The following DCAF5 variants were observed in gnomAD, a reference collection of about 807,000 sequenced individuals.
DCAF5 encodes DDB1 and CUL4 associated factor 5, also known as DDB1- and CUL4-associated factor 5.
In DCAF5, 9 loss-of-function variants were observed where a neutral mutation model predicts 80.7. That is an observed-to-expected ratio of 0.11 (90% CI 0.07 to 0.19). The LOEUF is 0.19. DCAF5 is among the 10% of genes least tolerant of loss of function. DCAF5 has a pLI of 1.00. For synonymous variants in DCAF5, 433 were observed against 461.9 expected (o/e 0.94, Z 0.80); for missense variants, 842 against 1,205.7 (o/e 0.70, Z 4.47).
At chr14:69,095,634 C>G in intron 5 of DCAF5, among the ~76,000 whole-genome samples, 1 of 152,106 alleles carries the variant, frequency 6.6e-6, no homozygotes, top group Non-Finnish European at 1.5e-5. Context: ...AGTACTTAGC[C>G]AAGGCTAAAG....
At chr14:69,072,635 A>C (rs112275966) in intron 7 of DCAF5, among the ~76,000 whole-genome samples, 9 of 142,842 alleles carry the variant, frequency 6.3e-5, no homozygotes, top group South Asian at 2.3e-4. Flanking sequence ...AAAAAAAAAA[A>C]AAAAAAAAAA....
intron 7 of DCAF5, among the ~76,000 whole-genome samples, chr14:69,063,477 C>A (rs1375763659): frequency 6.6e-6 from 1 of 152,146 alleles, no homozygotes; most frequent in Non-Finnish European, 1.5e-5. Flanking sequence ...GTGTTGCATC[C>A]AGACACAAAC....
intron 7 of DCAF5, among the ~76,000 whole-genome samples, chr14:69,074,607 G>A (rs1391454271): frequency 6.6e-6 from 1 of 152,142 alleles, no homozygotes; most frequent in Admixed American, 6.5e-5. Flanking sequence ...CATCAACAAA[G>A]AAAGCCTCCC....
At chr14:69,086,909 T>C (rs555220746) in intron 6 of DCAF5, among the ~76,000 whole-genome samples, 13 of 152,368 alleles carry the variant, frequency 8.5e-5, no homozygotes, top group African/African-American at 3.1e-4. Flanking sequence ...GAGATCTCAG[T>C]GCTCAGGTAC....
chr14:69,057,040 T>C (rs1194947683), intron 8 of DCAF5, among the ~76,000 whole-genome samples: 2 of 152,226 alleles, frequency 1.3e-5, no homozygotes, highest in Non-Finnish European at 2.9e-5. Context: ...AGAGCAATTA[T>C]AATGTTGATT....
chr14:69,122,413 A>C, intron 1 of DCAF5, 53 bp from the exon 2 acceptor site: 1 of 1,572,484 alleles, frequency 6.4e-7, no homozygotes, highest in Admixed American at 1.7e-5. Flanking sequence ...CGCAAGGCTG[A>C]CAGATGGTTT....
intron 1 of DCAF5, among the ~76,000 whole-genome samples, chr14:69,151,237 A>C (rs911501934): frequency 4.6e-5 from 7 of 152,270 alleles, no homozygotes; most frequent in African/African-American, 1.7e-4. Context: ...TCTAGGGCCA[A>C]AATCTACCTA....
intron 5 of DCAF5, among the ~76,000 whole-genome samples, chr14:69,106,658 C>T (rs1372504399): frequency 6.6e-6 from 1 of 152,178 alleles, no homozygotes; most frequent in Non-Finnish European, 1.5e-5. Flanking sequence ...AGGCGTGAGC[C>T]ACTGCACCCA....
rs1014928820 is a variant in DCAF5, at chr14:69,086,218, C to T, written c.879+5456G>A. Among the ~76,000 whole-genome samples the T allele has an allele frequency of 3.9e-5, 6 of 152,066 alleles. No homozygotes were observed. In the East Asian group the frequency reaches 5.8e-4, roughly 15 times the overall value. On this transcript the variant is annotated intron_variant, in intron 6 of 8. Coordinates refer to ENST00000341516, the MANE Select transcript of DCAF5 (RefSeq NM_003861.3). ...CTAAAAACACAAAAAATTAACCGGG[C>T]GTGGTGGCGCGTGCCTATAATTCCA...
chr14:69,141,359 CTTT>C (rs1435355953), intron 1 of DCAF5, among the ~76,000 whole-genome samples: 6 of 131,076 alleles, frequency 4.6e-5, no homozygotes, highest in Non-Finnish European at 9.1e-5. Context: ...TTTTCTTTTT[CTTT>C]TATTATTATA....
chr14:69,111,913 G>C (rs2040381444), intron 5 of DCAF5, among the ~76,000 whole-genome samples: 1 of 152,166 alleles, frequency 6.6e-6, no homozygotes, highest in Non-Finnish European at 1.5e-5. Context: ...TCCAACTCCA[G>C]TGTCTACAGG....
chr14:69,098,279 G>A (rs1476198848), intron 5 of DCAF5, among the ~76,000 whole-genome samples: 1 of 152,166 alleles, frequency 6.6e-6, no homozygotes, highest in African/African-American at 2.4e-5. Context: ...TCTGAGCATA[G>A]TTCATTCATT....
chr14:69,122,702 T>TTTTG (rs781768320), intron 1 of DCAF5, among the ~76,000 whole-genome samples: 2 of 152,240 alleles, frequency 1.3e-5, no homozygotes, highest in African/African-American at 2.4e-5. Flanking sequence ...GGAAGTCCTT[T>TTTTG]TTTGTTTGTT....
chr14:69,127,372 T>G (rs993202117), intron 1 of DCAF5, among the ~76,000 whole-genome samples: 1 of 152,006 alleles, frequency 6.6e-6, no homozygotes. Context: ...CATTACCAAA[T>G]GAAAAAAGCC....
chr14:69,097,582 AT>A (rs755644268), intron 5 of DCAF5, among the ~76,000 whole-genome samples: 7,461 of 124,628 alleles, frequency 0.06, 365 homozygotes, highest in African/African-American at 0.17. Context: ...TATTATTATT[AT>A]TTTTTTTTTT....
intron 5 of DCAF5, among the ~76,000 whole-genome samples, chr14:69,102,591 G>GACACACACAC (rs143602483): frequency 0.038 from 4,735 of 124,806 alleles, 122 homozygotes; most frequent in Middle Eastern, 0.067. Context: ...TAAAAACAAA[G>GACACACACAC]ACACACACAC....
At position 69,054,770 on chromosome 14, in the gene DCAF5, G is replaced by A. The variant is rs200236619; in HGVS notation, c.1916C>T (p.Thr639Met). Reference protein sequence around the residue: ...PTSSPERSTSTLEIQPSRASP... With the variant: ...PTSSPERSTSMLEIQPSRASP... ...TGCCCGGCTTGGTTGAATCTCTAGC[G>A]TGGAAGTGCTCCGCTCAGGGGACGA... is the stretch of plus-strand genomic sequence containing the variant. The change falls in exon 9 of 9, where the codon ACG becomes ATG. Residue 639 changes from threonine to methionine, a missense_variant. Physicochemically the swap from Thr to Met is moderately conservative, Grantham distance 81 (BLOSUM62 -1). Transcript: ENST00000341516. 3.6e-5 allele frequency: 58 copies of A among 1,614,258 alleles called. No individual in the cohort carries two copies. The highest frequency in any genetic ancestry group is 1.8e-4 in the South Asian group (16 of 91,082).
chr14:69,140,700 G>C (rs913133035), intron 1 of DCAF5, among the ~76,000 whole-genome samples: 1 of 152,142 alleles, frequency 6.6e-6, no homozygotes, highest in Non-Finnish European at 1.5e-5. Flanking sequence ...AGAAAGGATG[G>C]AGTAACATTA....
chr14:69,127,347 GAAACCTT>G (rs2040908464), intron 1 of DCAF5, among the ~76,000 whole-genome samples: 1 of 152,122 alleles, frequency 6.6e-6, no homozygotes, highest in Admixed American at 6.5e-5. Flanking sequence ...AAGACGTGGA[GAAACCTT>G]AAGTACACAT....
Sources: gnomAD v4.1 joint callset for allele counts (sites outside exome capture counted in the v4.1 genomes callset) on GRCh38, gnomAD v4.1.1 for gene constraint, MANE v1.5 for transcripts, NCBI Gene and HGNC (gene_info 2026-07-23, HGNC 2026-07-21) for gene names.